CCSER1: variants seen among roughly 807,000 people sequenced by gnomAD.
The protein encoded by CCSER1 is serine-rich coiled-coil domain-containing protein 1.
CCSER1 carries 41 observed loss-of-function variants against 82.0 expected under a neutral mutation model. That is an observed-to-expected ratio of 0.50 (90% CI 0.39 to 0.65). The LOEUF is 0.65. Ranked by LOEUF, CCSER1 falls within the 30% of genes least tolerant of loss-of-function variation. The pLI is 0.00. For missense variants in CCSER1, 1,119 were observed against 1,064.2 expected (o/e 1.05, Z -0.72); for synonymous variants, 414 against 383.9 (o/e 1.08, Z -0.92).
At chr4:90,803,973 T>G (rs969057558) in intron 7 of CCSER1, among the ~76,000 whole-genome samples, 2 of 152,208 alleles carry the variant, frequency 1.3e-5, no homozygotes, top group Admixed American at 6.5e-5. Flanking sequence ...TGATGATGAT[T>G]ATTTTTTCTT....
chr4:91,023,626 C>T (rs951767414), intron 9 of CCSER1, among the ~76,000 whole-genome samples: 2 of 152,148 alleles, frequency 1.3e-5, no homozygotes, highest in Non-Finnish European at 2.9e-5. Flanking sequence ...GAAACTGGAT[C>T]CCTTCCTTAC....
chr4:91,572,225 A>G (rs1763220505), intron 10 of CCSER1, among the ~76,000 whole-genome samples: 1 of 152,074 alleles, frequency 6.6e-6, no homozygotes, highest in Non-Finnish European at 1.5e-5. Flanking sequence ...GTCACTTCAA[A>G]TTTTCCCATA....
chr4:90,460,895 A>G lies in CCSER1; in HGVS notation c.1604-7339A>G, dbSNP rs150925873. Among the ~76,000 whole-genome samples, 999 of 152,204 alleles carry G rather than the reference A, an allele frequency of 6.6e-3. 8 individuals are homozygous for G. Among genetic ancestry groups the G allele is most frequent in the Non-Finnish European group, 0.011 (728 of 67,994 alleles). On this transcript the variant is annotated intron_variant, in intron 4 of 10. Coordinates refer to ENST00000509176, the MANE Select transcript of CCSER1 (RefSeq NM_001145065.2). ...TATATATTTGAAATGAAGTGTTAAC[A>G]TTTCTGAATACTCTGCACTCGACTT...
intron 1 of CCSER1, among the ~76,000 whole-genome samples, chr4:90,164,039 T>A (rs1729982299): frequency 6.6e-6 from 1 of 152,110 alleles, no homozygotes; most frequent in Non-Finnish European, 1.5e-5. Context: ...CTGTCTTGGG[T>A]CATGTTTGTC....
chr4:90,559,545 A>T (rs1489969997), intron 5 of CCSER1, among the ~76,000 whole-genome samples: 1 of 152,080 alleles, frequency 6.6e-6, no homozygotes, highest in Admixed American at 6.6e-5. Context: ...GAGAGGCAGG[A>T]CATAGTGGCT....
At chr4:90,656,273 G>C (rs527738458) in intron 6 of CCSER1, among the ~76,000 whole-genome samples, 7 of 151,750 alleles carry the variant, frequency 4.6e-5, no homozygotes, top group African/African-American at 1.7e-4. Flanking sequence ...TAAAACCTTC[G>C]AATATGACTA....
At chr4:90,438,479 A>G (rs1759368969) in intron 4 of CCSER1, among the ~76,000 whole-genome samples, 1 of 152,188 alleles carries the variant, frequency 6.6e-6, no homozygotes, top group Admixed American at 6.5e-5. Context: ...AACATTGTTA[A>G]GGTGATTTAC....
rs182303619 is a variant in CCSER1 at position 90,168,760 on chromosome 4, A to G, written c.-42+40929A>G. Among the ~76,000 whole-genome samples the G allele has an allele frequency of 5.9e-3, 846 of 142,576 alleles. 40 individuals carry two copies. Among genetic ancestry groups the G allele is most frequent in the African/African-American group, 0.022 (795 of 36,288 alleles). The allele number at this position is 142,576 out of a possible 152,430, so 93.5% of individuals were successfully genotyped here. ...CCTTTCCCCATTTCTTGTTTTTGTC[A>G]GGTTTGTCAAAGATCAGATGGTTGT... is the stretch of plus-strand genomic sequence containing the variant. On this transcript the variant is annotated intron_variant, in intron 1 of 10. Coordinates refer to ENST00000509176, the MANE Select transcript of CCSER1 (RefSeq NM_001145065.2).
chr4:91,532,841 GCCT>G (rs1476224976), intron 10 of CCSER1, among the ~76,000 whole-genome samples: 6 of 151,246 alleles, frequency 4.0e-5, no homozygotes, highest in African/African-American at 1.5e-4. Context: ...CTGCACTGCA[GCCT>G]GGATGACAGA....
intron 5 of CCSER1, among the ~76,000 whole-genome samples, chr4:90,540,958 C>A (rs913343177): frequency 6.6e-6 from 1 of 152,064 alleles, no homozygotes; most frequent in Non-Finnish European, 1.5e-5. Flanking sequence ...CTATGAAATA[C>A]TCCTCTCTTT....
intron 8 of CCSER1, among the ~76,000 whole-genome samples, chr4:90,889,718 A>C (rs574797918): frequency 8.5e-5 from 13 of 152,178 alleles, no homozygotes; most frequent in Non-Finnish European, 1.5e-4. Context: ...GTGCCGTTTT[A>C]CATAGCATGG....
chr4:91,130,838 C>T (rs1408608312), intron 10 of CCSER1, among the ~76,000 whole-genome samples: 2 of 151,606 alleles, frequency 1.3e-5, no homozygotes, highest in Non-Finnish European at 3.0e-5. Flanking sequence ...GTACATAAGA[C>T]AAATTTTGAA....
chr4:91,110,064 T>G (rs1725963112), intron 10 of CCSER1, among the ~76,000 whole-genome samples: 1 of 152,174 alleles, frequency 6.6e-6, no homozygotes. Flanking sequence ...TTAAAGAAAT[T>G]TAGCAATTTT....
At chr4:90,413,513 T>A (rs927869002) in intron 4 of CCSER1, among the ~76,000 whole-genome samples, 4 of 151,984 alleles carry the variant, frequency 2.6e-5, no homozygotes, top group Non-Finnish European at 5.9e-5. Context: ...AGCAAACAAA[T>A]CTGGAGGCAC....
intron 6 of CCSER1, among the ~76,000 whole-genome samples, chr4:90,667,479 G>A (rs539022596): frequency 1.3e-5 from 2 of 152,166 alleles, no homozygotes; most frequent in South Asian, 4.2e-4. Flanking sequence ...TTCTTCTAAT[G>A]CTATCCCTCC....
chr4:90,231,062 A>C (rs1366106216), intron 1 of CCSER1, among the ~76,000 whole-genome samples: 5 of 152,194 alleles, frequency 3.3e-5, no homozygotes, highest in African/African-American at 1.2e-4. Flanking sequence ...AACTGATACC[A>C]TTCCTTCTGA....
chr4:90,742,828 T>C (rs1746769980), intron 7 of CCSER1, among the ~76,000 whole-genome samples: 1 of 152,212 alleles, frequency 6.6e-6, no homozygotes, highest in African/African-American at 2.4e-5. Flanking sequence ...GTTGTTATTT[T>C]TTGTTTCGTA....
chr4:90,309,165 C>G lies in CCSER1; in HGVS notation c.881C>G (p.Ser294Cys). The G allele has an allele frequency of 6.2e-7, 1 of 1,613,942 alleles. No homozygotes were observed. The highest frequency in any genetic ancestry group is 8.5e-7 in the Non-Finnish European group (1 of 1,179,854). Residue 294 changes from serine (S) to cysteine (C), a missense_variant, in exon 2 of 11, where the codon TCT (serine) becomes TGT (cysteine). By Grantham distance (112) the Ser-to-Cys change is moderately radical. Transcript: ENST00000509176. ...AACTTTGGCCACAATGATTCTACCT[C>G]TCAGATGTCCCTCAATTCTGCTGCT... The part of the protein sequence containing the change: ...CDNFGHNDST[S>C]QMSLNSAAVT...
intron 10 of CCSER1, among the ~76,000 whole-genome samples, chr4:91,443,731 G>GTA (rs1014358270): frequency 2.4e-4 from 36 of 147,378 alleles, no homozygotes; most frequent in South Asian, 1.1e-3. Context: ...AAAACTATAT[G>GTA]TATATATATA....
Sources: gnomAD v4.1 joint callset for allele counts (sites outside exome capture counted in the v4.1 genomes callset) on GRCh38, gnomAD v4.1.1 for gene constraint, MANE v1.5 for transcripts, NCBI Gene and HGNC (gene_info 2026-07-23, HGNC 2026-07-21) for gene names.